Variants in MAP3K8 observed in about 807,000 individuals in gnomAD.
The protein encoded by MAP3K8 is mitogen-activated protein kinase kinase kinase 8, also known as Ewing sarcoma transformant.
Under a neutral mutation model 45.8 loss-of-function variants are expected in MAP3K8, and 22 were observed. The observed-to-expected ratio is 0.48, with a 90% CI of 0.34 to 0.69. The LOEUF (loss-of-function observed/expected upper bound fraction) is 0.69, where lower values mean the gene tolerates loss of function less well. MAP3K8 is among the 30% of genes least tolerant of loss of function. The pLI is 0.01. For synonymous variants in MAP3K8, 223 were observed against 214.3 expected (o/e 1.04, Z -0.36); for missense variants, 419 against 585.0 (o/e 0.72, Z 2.93).
At chr10:30,438,365 A>T (rs1478106763) in intron 2 of MAP3K8, among the ~76,000 whole-genome samples, 1 of 152,206 alleles carries the variant, frequency 6.6e-6, no homozygotes, top group Non-Finnish European at 1.5e-5. Flanking sequence ...TTGCCATCAA[A>T]TTTGTGTAGA....
intron 6 of MAP3K8, among the ~76,000 whole-genome samples, chr10:30,452,754 C>G (rs113317617): frequency 0.017 from 2,637 of 152,274 alleles, 72 homozygotes; most frequent in African/African-American, 0.058. Flanking sequence ...ATGATCTCAG[C>G]TCACTGTAAT....
chr10:30,434,470 C>A, intron 1 of MAP3K8, 92 bp downstream of exon 1: 1 of 985,630 alleles, frequency 1.0e-6, no homozygotes, highest in Non-Finnish European at 1.2e-6. Flanking sequence ...GAGGGTGCCC[C>A]CAGCAGAGGG....
intron 8 of MAP3K8, 27 bp downstream of exon 8, chr10:30,459,528 C>G (rs759628869): frequency 1.2e-6 from 2 of 1,610,366 alleles, no homozygotes; most frequent in Non-Finnish European, 1.7e-6. Context: ...GTGTGCCGCA[C>G]ACTTACTTCC....
At chr10:30,457,950 C>A in intron 6 of MAP3K8, 134 bp from the exon 7 acceptor site, 1 of 692,246 alleles carries the variant, frequency 1.4e-6, no homozygotes, top group Non-Finnish European at 2.2e-6. Flanking sequence ...GCAATTGCTG[C>A]ATGGTTCCTG....
At chr10:30,435,169 A>G (rs1835872172) in intron 1 of MAP3K8, among the ~76,000 whole-genome samples, 1 of 152,162 alleles carries the variant, frequency 6.6e-6, no homozygotes, top group African/African-American at 2.4e-5. Flanking sequence ...ATGCTTGTCT[A>G]TTTCACTTTT....
intron 3 of MAP3K8, among the ~76,000 whole-genome samples, chr10:30,439,861 T>C (rs1320204067): frequency 1.3e-5 from 2 of 152,214 alleles, no homozygotes; most frequent in Non-Finnish European, 2.9e-5. Context: ...AAAAAGTTTA[T>C]TCATCAGTTA....
rs531519989 is a variant in MAP3K8 at position 30,438,664 on chromosome 10, ACT to A, written c.-23-249_-23-248del. On this transcript the variant is annotated intron_variant, in intron 2 of 8. Coordinates refer to ENST00000263056, the MANE Select transcript of MAP3K8 (RefSeq NM_005204.4). ...TCAGTGCCTGTAGCTGATACCACTG[ACT>A]CTGTGAGTAAGAGTAAGCTCTCTGG... is the stretch of plus-strand genomic sequence containing the variant. 1.4e-4 allele frequency among the ~76,000 whole-genome samples: 21 copies of A among 152,202 alleles called. No individual in the cohort carries two copies. The East Asian group carries it at 4.0e-3, about 29-fold the overall frequency.
chr10:30,456,824 G>T (rs553698313), intron 6 of MAP3K8, among the ~76,000 whole-genome samples: 1 of 151,890 alleles, frequency 6.6e-6, no homozygotes, highest in African/African-American at 2.4e-5. Flanking sequence ...AGTGGCTCAC[G>T]CCTGTAATCC....
intron 1 of MAP3K8, among the ~76,000 whole-genome samples, chr10:30,435,276 A>G (rs1835875617): frequency 6.6e-6 from 1 of 152,208 alleles, no homozygotes; most frequent in Non-Finnish European, 1.5e-5. Context: ...GTTTGTGCCA[A>G]GGAGAGTGTA....
At chr10:30,436,786 G>A (rs1232303112) in intron 1 of MAP3K8, among the ~76,000 whole-genome samples, 1 of 145,814 alleles carries the variant, frequency 6.9e-6, no homozygotes, top group Admixed American at 7.0e-5. Context: ...TTTCTTTCTT[G>A]AGTCATGTTA....
At chr10:30,457,385 A>G (rs2132831073) in intron 6 of MAP3K8, among the ~76,000 whole-genome samples, 1 of 152,288 alleles carries the variant, frequency 6.6e-6, no homozygotes, top group East Asian at 1.9e-4. Context: ...TTTCCCTTTC[A>G]AGAAATTTGT....
At chr10:30,445,553 A>G (rs993478862) in intron 3 of MAP3K8, among the ~76,000 whole-genome samples, 7 of 152,246 alleles carry the variant, frequency 4.6e-5, no homozygotes, top group Admixed American at 3.9e-4. Context: ...TTTAATGACA[A>G]GAAACGGAAA....
intron 6 of MAP3K8, among the ~76,000 whole-genome samples, chr10:30,452,362 G>A (rs949153824): frequency 2.6e-5 from 4 of 151,976 alleles, no homozygotes; most frequent in African/African-American, 9.7e-5. Flanking sequence ...CCAGCTACTC[G>A]GGAGGCTGAG....
chr10:30,457,866 C>T (rs1330993360), intron 6 of MAP3K8, among the ~76,000 whole-genome samples: 2 of 152,112 alleles, frequency 1.3e-5, no homozygotes, highest in African/African-American at 2.4e-5. Context: ...GATCCGCCCA[C>T]CTCAGCTGGG....
At chr10:30,442,100 G>C (rs1206850032) in intron 3 of MAP3K8, among the ~76,000 whole-genome samples, 1 of 152,220 alleles carries the variant, frequency 6.6e-6, no homozygotes, top group Non-Finnish European at 1.5e-5. Context: ...GACATCTGCA[G>C]TGCGTCGGGT....
At position 30,439,460 on chromosome 10, in the gene MAP3K8, T is replaced by C. The variant is rs115789739; in HGVS notation, c.336+186T>C. 3.9e-3 allele frequency: 4,583 copies of C among 1,180,030 alleles called. 144 individuals are homozygous for C. The African/African-American group carries it at 0.061, about 16-fold the overall frequency. 73.1% of individuals were successfully genotyped at this position (1,180,030 alleles called of 1,614,324 possible). A position where few individuals can be genotyped will look rare whatever the true frequency, so the allele number is the denominator to read the frequency against. ...AAAAAAAAGTCTTCATTAAAATTTCTATTTAAAGATTCTTGATCATATTTT... is the reference window on the plus strand; with the variant it reads ...AAAAAAAAGTCTTCATTAAAATTTCCATTTAAAGATTCTTGATCATATTTT... On this transcript the variant is annotated intron_variant, in intron 3 of 8. Transcript: ENST00000263056.
chr10:30,434,438 C>A, intron 1 of MAP3K8, 60 bp downstream of exon 1: 1 of 985,426 alleles, frequency 1.0e-6, no homozygotes, highest in Non-Finnish European at 1.2e-6. Flanking sequence ...CTGGGTGCCC[C>A]GGGGATTCCC....
rs1836855949 is a variant in MAP3K8, at chr10:30,459,418, G to A, written c.1190G>A (p.Arg397His). 3 of 1,614,004 alleles carry A rather than the reference G, an allele frequency of 1.9e-6. No homozygotes were observed. Among genetic ancestry groups the A allele is most frequent in the African/African-American group, 1.3e-5 (1 of 74,898 alleles). The change falls in exon 8 of 9, where the codon CGC (arginine) becomes CAC (histidine). Residue 397 changes from arginine to histidine, a missense_variant. Arg to His is a conservative substitution (Grantham distance 29). Transcript: ENST00000263056. ...AACCCGCCCAGAGAGGATCAGCCAC[G>A]CTGTCAGAGTCTGGACTCTGCCCTC... is the stretch of plus-strand genomic sequence containing the variant. ...ALNPPREDQP[R>H]CQSLDSALLE...
chr10:30,459,511 C>T lies in MAP3K8; in HGVS notation c.1273+10C>T, dbSNP rs202068415. 1.9e-6 allele frequency: 3 copies of T among 1,612,948 alleles called. No homozygotes were observed. The African/African-American group carries it at 4.0e-5, about 22-fold the overall frequency. On this transcript the variant is annotated intron_variant, in intron 8 of 8. Transcript: ENST00000263056. ...CCTGAGAACATTGCTGGTAGGGACA[C>T]CCTGCTGTGTGCCGCACACTTACTT...
Sources: gnomAD v4.1 joint callset for allele counts (sites outside exome capture counted in the v4.1 genomes callset) on GRCh38, gnomAD v4.1.1 for gene constraint, MANE v1.5 for transcripts, NCBI Gene and HGNC (gene_info 2026-07-23, HGNC 2026-07-21) for gene names.